Variants in FRMD4B observed in about 807,000 individuals in gnomAD.
FRMD4B encodes FERM domain-containing protein 4B.
In FRMD4B, 74 loss-of-function variants were observed where a neutral mutation model predicts 141.5. The observed-to-expected ratio is 0.52, with a 90% CI of 0.43 to 0.63. The LOEUF (loss-of-function observed/expected upper bound fraction) is 0.63. Among genes scored for constraint, FRMD4B ranks in the 30% least tolerant of loss-of-function variants. The pLI is 0.00. For synonymous variants in FRMD4B, 506 were observed against 467.9 expected (o/e 1.08, Z -1.05); for missense variants, 1,366 against 1,253.4 (o/e 1.09, Z -1.36).
chr3:69,335,853 G>T (rs1702532429), intron 1 of FRMD4B, among the ~76,000 whole-genome samples: 1 of 151,532 alleles, frequency 6.6e-6, no homozygotes, highest in Admixed American at 6.6e-5. Context: ...CTCCTGAGTA[G>T]CTGGGATTAC....
intron 1 of FRMD4B, among the ~76,000 whole-genome samples, chr3:69,474,220 A>G (rs1009770191): frequency 3.3e-5 from 5 of 152,326 alleles, no homozygotes; most frequent in South Asian, 2.1e-4. Context: ...CAAAGTTAAT[A>G]AGAAAGAAAG....
intron 7 of FRMD4B, among the ~76,000 whole-genome samples, chr3:69,241,661 C>T (rs916720727): frequency 6.6e-6 from 1 of 152,124 alleles, no homozygotes; most frequent in South Asian, 2.1e-4. Flanking sequence ...TCTTGGGAAG[C>T]CGAGGCTGAC....
At chr3:69,364,876 A>ATTTTT (rs777969087) in intron 1 of FRMD4B, among the ~76,000 whole-genome samples, 13 of 149,722 alleles carry the variant, frequency 8.7e-5, no homozygotes, top group South Asian at 4.2e-4. Flanking sequence ...GTTTTTTTAA[A>ATTTTT]AAAATAAATA....
chr3:69,358,309 G>A (rs574202215), intron 1 of FRMD4B, among the ~76,000 whole-genome samples: 3 of 152,310 alleles, frequency 2.0e-5, no homozygotes, highest in Admixed American at 2.0e-4. Context: ...GCTTGGTTTA[G>A]TGTTCTGCTG....
intron 1 of FRMD4B, among the ~76,000 whole-genome samples, chr3:69,324,998 G>C (rs1323976769): frequency 6.6e-6 from 1 of 150,988 alleles, no homozygotes; most frequent in Non-Finnish European, 1.5e-5. Flanking sequence ...AAGATCACTT[G>C]AGCCCAGGTG....
chr3:69,231,429 A>T (rs910211880), intron 7 of FRMD4B, among the ~76,000 whole-genome samples: 1 of 152,138 alleles, frequency 6.6e-6, no homozygotes, highest in Non-Finnish European at 1.5e-5. Context: ...GTGGGACTAC[A>T]GGTATGTGCT....
intron 1 of FRMD4B, among the ~76,000 whole-genome samples, chr3:69,539,066 G>A (rs1409480823): frequency 6.6e-6 from 1 of 152,140 alleles, no homozygotes; most frequent in African/African-American, 2.4e-5. Context: ...GATCTCTGGG[G>A]CAGATTTAAA....
chr3:69,302,317 T>G (rs767335095), intron 4 of FRMD4B, 26 bp downstream of exon 4: 2 of 1,250,488 alleles, frequency 1.6e-6, no homozygotes, highest in Non-Finnish European at 2.3e-6. Context: ...AAAAGAGGGA[T>G]GCTAACTGGG....
At chr3:69,247,198 G>C (rs557343540) in intron 7 of FRMD4B, among the ~76,000 whole-genome samples, 3 of 152,202 alleles carry the variant, frequency 2.0e-5, no homozygotes, top group South Asian at 2.1e-4. Context: ...ACATACATTT[G>C]ATTCTCATGA....
chr3:69,248,182 A>G (rs1270979647), intron 7 of FRMD4B, among the ~76,000 whole-genome samples: 1 of 151,958 alleles, frequency 6.6e-6, no homozygotes, highest in Non-Finnish European at 1.5e-5. Context: ...TCTTTCCATT[A>G]AAAACAACTG....
At chr3:69,454,141 AG>A (rs1705545654) in intron 1 of FRMD4B, among the ~76,000 whole-genome samples, 1 of 152,206 alleles carries the variant, frequency 6.6e-6, no homozygotes, top group Non-Finnish European at 1.5e-5. Flanking sequence ...ACAATGAAGA[AG>A]GAGGAATTTC....
rs967324647 is a variant in FRMD4B at position 69,394,348 on chromosome 3, T to C, written c.-1+38286A>G. ...CACCAAATACCATCACATTGGTGTA[T>C]AGTTTCAAATACGGATCTTGGGAAG... On this transcript the variant is annotated intron_variant, in intron 2 of 5. Coordinates refer to the FRMD4B transcript ENST00000459638. 7.2e-5 allele frequency among the ~76,000 whole-genome samples: 11 copies of C among 152,350 alleles called. 1 individual carries two copies. The South Asian group carries it at 1.4e-3, about 20-fold the overall frequency.
At chr3:69,263,483 T>A (rs2093541533) in intron 5 of FRMD4B, among the ~76,000 whole-genome samples, 1 of 147,156 alleles carries the variant, frequency 6.8e-6, no homozygotes, top group African/African-American at 2.5e-5. Context: ...CATGGCTTAC[T>A]GCAGCCTCGA....
chr3:69,320,560 G>T (rs983309433), intron 1 of FRMD4B, among the ~76,000 whole-genome samples: 3 of 152,272 alleles, frequency 2.0e-5, no homozygotes, highest in East Asian at 3.9e-4. Flanking sequence ...GCAAGACCCT[G>T]TCTCTAAAAG....
At chr3:69,252,754 T>C (rs1489917706) in intron 5 of FRMD4B, among the ~76,000 whole-genome samples, 5 of 152,124 alleles carry the variant, frequency 3.3e-5, no homozygotes. Flanking sequence ...AGAACATTGC[T>C]TTTACTCTCA....
At position 69,409,032 on chromosome 3, in the gene FRMD4B, C is replaced by G. The variant is rs368459091; in HGVS notation, c.-1+23602G>C. Reference sequence around the variant, plus strand: ...AAAATAGAGAGAAAAACACTTCCATCCTGAGGTTGTTCGTGAGGAATATAT... The same window carrying G: ...AAAATAGAGAGAAAAACACTTCCATGCTGAGGTTGTTCGTGAGGAATATAT... On this transcript the variant is annotated intron_variant, in intron 2 of 5. Transcript: ENST00000459638. Among the ~76,000 whole-genome samples the G allele has an allele frequency of 5.3e-5, 8 of 152,282 alleles. No homozygotes were observed. In the South Asian group the frequency reaches 1.7e-3, roughly 32 times the overall value.
chr3:69,456,733 T>TA (rs60484143), intron 1 of FRMD4B, among the ~76,000 whole-genome samples: 17,272 of 129,124 alleles, frequency 0.13, 1,081 homozygotes, highest in Middle Eastern at 0.17. Flanking sequence ...TCCATTTTTG[T>TA]AAAAAAAAAA....
At chr3:69,333,479 T>C (rs1355620115) in intron 1 of FRMD4B, among the ~76,000 whole-genome samples, 2 of 152,224 alleles carry the variant, frequency 1.3e-5, no homozygotes, top group Non-Finnish European at 2.9e-5. Flanking sequence ...TTAGAAATCC[T>C]TGTAGAACTT....
At chr3:69,400,227 A>C (rs534209030) in intron 2 of FRMD4B, among the ~76,000 whole-genome samples, 1,544 of 135,242 alleles carry the variant, frequency 0.011, 33 homozygotes, top group African/African-American at 0.049. Flanking sequence ...CTTCACCCCA[A>C]AAAAAAAAAA....
Sources: gnomAD v4.1 joint callset for allele counts (sites outside exome capture counted in the v4.1 genomes callset) on GRCh38, gnomAD v4.1.1 for gene constraint, MANE v1.5 for transcripts, NCBI Gene and HGNC (gene_info 2026-07-23, HGNC 2026-07-21) for gene names.